CENPW: variants seen among roughly 807,000 people sequenced by gnomAD.
CENPW encodes cancer-up-regulated gene 2 protein.
CENPW carries 3 observed loss-of-function variants against 11.1 expected under a neutral mutation model. That is an observed-to-expected ratio of 0.27 (90% confidence interval 0.12 to 0.70). CENPW has a LOEUF of 0.70. Ranked by LOEUF, CENPW falls within the 30% of genes least tolerant of loss-of-function variation. The pLI is 0.77. For synonymous variants in CENPW, 38 were observed against 42.0 expected, an observed-to-expected ratio of 0.91 and a Z score of 0.37; for missense variants, 100 against 105.6, an observed-to-expected ratio of 0.95 and a Z score of 0.23.
the CENPW span, among the ~76,000 whole-genome samples, chr6:126,392,797 A>C: frequency 1.3e-5 from 2 of 151,938 alleles, no homozygotes; most frequent in African/African-American, 4.8e-5. Context: ...TATCAGGGTA[A>C]TACTGGTCTC....
chr6:126,408,564 A>T, the CENPW span, among the ~76,000 whole-genome samples: 1,254 of 151,770 alleles, frequency 8.3e-3, 10 homozygotes, highest in Non-Finnish European at 0.013. Flanking sequence ...CAACCAAACC[A>T]TATCAACCCC....
chr6:126,346,110 GTACAA>G (rs1780404099), intron 1 of CENPW, 90 bp from the exon 2 acceptor site: 1 of 605,450 alleles, frequency 1.7e-6, no homozygotes, highest in Non-Finnish European at 2.9e-6. Flanking sequence ...ATGGTAAATA[GTACAA>G]TACATTTTGA....
chr6:126,372,718 C>G, the CENPW span, among the ~76,000 whole-genome samples: 2 of 152,110 alleles, frequency 1.3e-5, no homozygotes, highest in African/African-American at 2.4e-5. Flanking sequence ...TTTGAACAAG[C>G]CTCCAGTGAT....
At chr6:126,470,733 C>T in the CENPW span, among the ~76,000 whole-genome samples, 1 of 152,228 alleles carries the variant, frequency 6.6e-6, no homozygotes, top group South Asian at 2.1e-4. Context: ...CCTTGGGAGC[C>T]CACCTCTTGC....
the CENPW span, among the ~76,000 whole-genome samples, chr6:126,389,825 G>A: frequency 8.6e-5 from 13 of 151,878 alleles, no homozygotes; most frequent in African/African-American, 2.9e-4. Context: ...CTTAAATAAT[G>A]TGCCCAAGGT....
chr6:126,471,617 G>C, the CENPW span, among the ~76,000 whole-genome samples: 1 of 152,064 alleles, frequency 6.6e-6, no homozygotes, highest in Admixed American at 6.5e-5. Flanking sequence ...AAACATCACA[G>C]TAATCAAAAT....
intron 1 of CENPW, 104 bp from the exon 2 acceptor site, chr6:126,346,101 T>C (rs1449325073): frequency 3.7e-6 from 2 of 535,768 alleles, no homozygotes; most frequent in Non-Finnish European, 6.7e-6. Flanking sequence ...TTAATCACAA[T>C]GGTAAATAGT....
chr6:126,353,628 T>C (rs1345816897), downstream of CENPW, among the ~76,000 whole-genome samples: 1 of 152,056 alleles, frequency 6.6e-6, no homozygotes, highest in Non-Finnish European at 1.5e-5. Flanking sequence ...ATGGTGTTTT[T>C]CTTCAGTTTG....
At chr6:126,432,962 A>T in the CENPW span, among the ~76,000 whole-genome samples, 3 of 152,142 alleles carry the variant, frequency 2.0e-5, no homozygotes, top group Non-Finnish European at 4.4e-5. Flanking sequence ...TTTTAAGAAA[A>T]CTCTAGGGGA....
At chr6:126,444,053 C>CT in the CENPW span, among the ~76,000 whole-genome samples, 463 of 135,514 alleles carry the variant, frequency 3.4e-3, 5 homozygotes, top group East Asian at 0.049. Flanking sequence ...TCAATCAGGT[C>CT]TTTTTTTTTT....
the CENPW span, among the ~76,000 whole-genome samples, chr6:126,355,846 T>C: frequency 1.3e-5 from 2 of 152,166 alleles, no homozygotes; most frequent in Non-Finnish European, 2.9e-5. Context: ...GATTCTTTAG[T>C]ACTCAAAGTC....
the CENPW span, among the ~76,000 whole-genome samples, chr6:126,383,205 C>G: frequency 6.6e-6 from 1 of 152,258 alleles, no homozygotes; most frequent in South Asian, 2.1e-4. Context: ...AAATAAGATT[C>G]TTTTCAGACA....
At chr6:126,414,344 C>A in the CENPW span, among the ~76,000 whole-genome samples, 60 of 152,220 alleles carry the variant, frequency 3.9e-4, no homozygotes, top group African/African-American at 7.2e-4. Context: ...CCAACAGCTG[C>A]AGAATTCACA....
chr6:126,458,342 C>T, the CENPW span, among the ~76,000 whole-genome samples: 1 of 151,294 alleles, frequency 6.6e-6, no homozygotes, highest in Non-Finnish European at 1.5e-5. Flanking sequence ...AGTCAAACTG[C>T]TCTCTCACTC....
At chr6:126,358,002 A>G in the CENPW span, among the ~76,000 whole-genome samples, 2 of 152,120 alleles carry the variant, frequency 1.3e-5, no homozygotes, top group African/African-American at 4.8e-5. Flanking sequence ...GTCTTCTTCC[A>G]TGACTTTCAG....
chr6:126,362,264 A>G, the CENPW span, among the ~76,000 whole-genome samples: 1 of 152,156 alleles, frequency 6.6e-6, no homozygotes, highest in Non-Finnish European at 1.5e-5. Context: ...CCCTATGCAC[A>G]AAAGCTCATG....
At chr6:126,384,306 G>A in the CENPW span, among the ~76,000 whole-genome samples, 1 of 151,974 alleles carries the variant, frequency 6.6e-6, no homozygotes, top group Non-Finnish European at 1.5e-5. Context: ...AACCAAAAAA[G>A]AGTCTAATAG....
intron 2 of CENPW, among the ~76,000 whole-genome samples, chr6:126,347,774 A>C (rs1460774671): frequency 1.3e-5 from 2 of 152,058 alleles, no homozygotes; most frequent in African/African-American, 2.4e-5. Context: ...GATTTTTATT[A>C]ATAAACTGTA....
chr6:126,344,960 G>T (rs1324995134), intron 1 of CENPW, among the ~76,000 whole-genome samples: 1 of 152,050 alleles, frequency 6.6e-6, no homozygotes, highest in Admixed American at 6.6e-5. Context: ...ATAAATCATG[G>T]TAAAGACACT....
Sources: allele counts gnomAD v4.1 joint callset (sites outside exome capture counted in the v4.1 genomes callset), GRCh38; gene constraint gnomAD v4.1.1; transcripts MANE v1.5; gene names NCBI Gene and HGNC (gene_info 2026-07-23, HGNC 2026-07-21).